PINK1: variants seen among roughly 807,000 people sequenced by gnomAD.
The protein encoded by PINK1 is serine/threonine-protein kinase PINK1, mitochondrial.
In PINK1, 58 loss-of-function variants were observed where a neutral mutation model predicts 56.0. The observed-to-expected ratio is 1.04, with a 90% CI of 0.84 to 1.29. PINK1 has a LOEUF of 1.29. Among genes scored for constraint, PINK1 ranks in the 50% most tolerant of loss-of-function variants. The probability of loss-of-function intolerance (pLI) is 0.00; values close to 1 mark genes in which losing one functional copy is unlikely to be tolerated. For synonymous variants in PINK1, 354 were observed against 339.3 expected, an observed-to-expected ratio of 1.04 and a Z score of -0.48; for missense variants, 745 against 777.9, an observed-to-expected ratio of 0.96 and a Z score of 0.50.
chr1:20,646,186 T>G (rs1359850389), intron 5 of PINK1, among the ~76,000 whole-genome samples: 2 of 152,078 alleles, frequency 1.3e-5, no homozygotes, highest in Non-Finnish European at 2.9e-5. Flanking sequence ...CCCCAGCTAC[T>G]TGGGAGGCTG....
Position 20,648,507 on chromosome 1 carries a change from G to A in PINK1, c.1126G>A (p.Gly376Ser), listed in dbSNP as rs890075608. ...TCACTTTGCTTGCTCCTTCCCAGAC[G>A]GCTGCCCCTGGCTGGTGATCGCAGA... ...DNILVELDPD[G>S]CPWLVIADFG... The change falls in exon 6 of 8, where the codon GGC becomes AGC. Residue 376 changes from glycine (G) to serine (S), a missense_variant and splice_region_variant. Gly to Ser is a moderately conservative substitution (Grantham distance 56, BLOSUM62 0). Coordinates refer to ENST00000321556, the MANE Select transcript of PINK1 (RefSeq NM_032409.3). 10 of 1,614,156 alleles carry A rather than the reference G, an allele frequency of 6.2e-6. No homozygotes were observed. Among genetic ancestry groups the A allele is most frequent in the Non-Finnish European group, 8.5e-6 (10 of 1,180,022 alleles).
intron 3 of PINK1, among the ~76,000 whole-genome samples, chr1:20,640,747 C>G (rs537347715): frequency 6.6e-6 from 1 of 152,238 alleles, no homozygotes; most frequent in East Asian, 1.9e-4. Context: ...GATACTTGTG[C>G]CCACCTCAAT....
intron 2 of PINK1, 100 bp from the exon 3 acceptor site, chr1:20,639,792 A>T: frequency 9.5e-7 from 1 of 1,057,638 alleles, no homozygotes; most frequent in Non-Finnish European, 1.4e-6. Flanking sequence ...AGCCAATTCT[A>T]GGCAGTAGCT....
At chr1:20,648,792 C>G in intron 6 of PINK1, 160 bp downstream of exon 6, 1 of 1,363,328 alleles carries the variant, frequency 7.3e-7, no homozygotes, top group East Asian at 2.5e-5. Flanking sequence ...CTCCGGCGTT[C>G]CCTCATGTTC....
chr1:20,633,988 CG>C, intron 1 of PINK1, 53 bp downstream of exon 1: 1 of 513,316 alleles, frequency 1.9e-6, no homozygotes. Context: ...AGCGCGGGGG[CG>C]GGTCCTCAGC....
At chr1:20,634,761 A>C (rs2053039831) in intron 1 of PINK1, among the ~76,000 whole-genome samples, 1 of 152,204 alleles carries the variant, frequency 6.6e-6, no homozygotes, top group Non-Finnish European at 1.5e-5. Flanking sequence ...ATCTTCTTCC[A>C]GGGAGGTCAC....
chr1:20,651,289 G>T lies in PINK1; in HGVS notation c.*598G>T, dbSNP rs1291963529. 1 of 162,650 alleles carries T rather than the reference G, an allele frequency of 6.1e-6. No homozygotes were observed. The highest frequency in any genetic ancestry group is 1.4e-5 in the Non-Finnish European group (1 of 73,396). 10.1% of individuals were successfully genotyped at this position (162,650 alleles called of 1,614,324 possible). A position where few individuals can be genotyped will look rare whatever the true frequency, so the allele number is the denominator to read the frequency against. ...GACTAGCCTCTCTTACAGGAATTGT[G>T]AAATATTAAATGCAAATTTACAACT... On this transcript the variant is annotated 3_prime_UTR_variant, in exon 8 of 8. Coordinates refer to ENST00000321556, the MANE Select transcript of PINK1 (RefSeq NM_032409.3).
At chr1:20,647,242 A>G (rs2053195152) in intron 5 of PINK1, among the ~76,000 whole-genome samples, 1 of 151,408 alleles carries the variant, frequency 6.6e-6, no homozygotes, top group African/African-American at 2.4e-5. Context: ...TATTTTTAGT[A>G]CAGACGGGGT....
chr1:20,637,737 C>T (rs947331266), intron 1 of PINK1, 105 bp from the exon 2 acceptor site: 83 of 1,334,284 alleles, frequency 6.2e-5, no homozygotes, highest in Non-Finnish European at 7.5e-5. Context: ...TTGATCTGGT[C>T]GACGTGGACC....
chr1:20,645,376 C>G, intron 4 of PINK1, 184 bp from the exon 5 acceptor site: 2 of 685,464 alleles, frequency 2.9e-6, no homozygotes, highest in Non-Finnish European at 2.5e-6. Context: ...ATAATCCCAG[C>G]TACTCGGGAG....
chr1:20,645,487 CAAAAA>C (rs11379920), intron 4 of PINK1, 68 bp from the exon 5 acceptor site: 4 of 1,119,600 alleles, frequency 3.6e-6, no homozygotes, highest in Non-Finnish European at 2.4e-6. Flanking sequence ...GACTCCATCT[CAAAAA>C]AAAAAAAAAA....
intron 2 of PINK1, chr1:20,638,494 G>T: frequency 3.2e-6 from 1 of 312,614 alleles, no homozygotes; most frequent in Non-Finnish European, 6.2e-6. Context: ...AGCCGGGTGT[G>T]ACAGCTTGCA....
chr1:20,634,874 C>T (rs1208779203), intron 1 of PINK1, among the ~76,000 whole-genome samples: 1 of 152,172 alleles, frequency 6.6e-6, no homozygotes, highest in Non-Finnish European at 1.5e-5. Flanking sequence ...TGCCCAAGGA[C>T]ACAGCTGTTA....
At chr1:20,644,803 C>A in intron 4 of PINK1, 131 bp downstream of exon 4, 1 of 1,225,864 alleles carries the variant, frequency 8.2e-7, no homozygotes, top group Non-Finnish European at 1.1e-6. Context: ...AGAAGAAAGC[C>A]ATGCAAAGGG....
chr1:20,634,772 TCTTCTTCCTG>T lies in PINK1; in HGVS notation c.387+838_387+847del, dbSNP rs796512009. 1.2e-4 allele frequency among the ~76,000 whole-genome samples: 19 copies of T among 152,320 alleles called. 1 individual carries two copies. The highest frequency in any genetic ancestry group is 4.6e-4 in the African/African-American group (19 of 41,576). On this transcript the variant is annotated intron_variant, in intron 1 of 7. Transcript: ENST00000321556. The stretch of plus-strand genomic sequence containing the variant: ...TTCCATCTTCTTCCAGGGAGGTCAC[TCTTCTTCCTG>T]GGGGTGTAGAACCACTCACTAAATT...
Position 20,633,807 on chromosome 1 carries a change from GTGCGGGCCTGGGGCTGCGCGGGCCCT to G in PINK1, c.265_290del (p.Ala89ProfsTer44). The G allele has an allele frequency of 1.9e-6, 3 of 1,577,168 alleles. No individual in the cohort carries two copies. ...GGCGCGGTTGCAGCGGCAGTTCGTG[GTGCGGGCCTGGGGCTGCGCGGGCCCT>G]TGCGGCCGGGCAGTCTTTCTGGCCT... is the stretch of plus-strand genomic sequence containing the variant. On this transcript the variant is annotated frameshift_variant, in exon 1 of 8. Coordinates refer to ENST00000321556, the MANE Select transcript of PINK1 (RefSeq NM_032409.3). LOFTEE classifies it high-confidence loss of function.
intron 2 of PINK1, chr1:20,639,175 A>G (rs572623571): frequency 1.9e-5 from 3 of 157,562 alleles, no homozygotes; most frequent in Admixed American, 6.0e-5. Context: ...TCTTGTTCTG[A>G]TTTGGGGAAT....
Position 20,651,073 on chromosome 1 carries a change from A to G in PINK1, c.*382A>G, listed in dbSNP as rs959337578. On this transcript the variant is annotated 3_prime_UTR_variant, in exon 8 of 8. Transcript: ENST00000321556. Reference sequence around the variant, plus strand: ...GTAGCATGTCTGATTTGCCACCTGGATGAAGGCAGACATCAACATGGGTCA... The same window carrying G: ...GTAGCATGTCTGATTTGCCACCTGGGTGAAGGCAGACATCAACATGGGTCA... The G allele has an allele frequency of 3.0e-6, 1 of 328,914 alleles. No homozygotes were observed. Among genetic ancestry groups the G allele is most frequent in the Middle Eastern group, 1.1e-3 (1 of 934 alleles). 20.4% of individuals were successfully genotyped at this position (328,914 alleles called of 1,614,324 possible).
chr1:20,648,867 C>A, intron 6 of PINK1, 128 bp from the exon 7 acceptor site: 1 of 1,273,366 alleles, frequency 7.9e-7, no homozygotes, highest in South Asian at 1.3e-5. Context: ...GGGTCTGAGC[C>A]ACAGCTCACT....
Sources: gnomAD v4.1 joint callset for allele counts (sites outside exome capture counted in the v4.1 genomes callset) on GRCh38, gnomAD v4.1.1 for gene constraint, MANE v1.5 for transcripts, NCBI Gene and HGNC (gene_info 2026-07-23, HGNC 2026-07-21) for gene names.